The following FHIT variants were observed in gnomAD, a reference collection of about 807,000 sequenced individuals.
FHIT encodes the protein fragile histidine triad diadenosine triphosphatase.
A neutral mutation model predicts 17.9 loss-of-function variants in FHIT; 19 were observed. That is an observed-to-expected ratio of 1.06 (90% CI 0.74 to 1.56). The LOEUF (loss-of-function observed/expected upper bound fraction) is 1.56, where lower values mean the gene tolerates loss of function less well. Ranked by LOEUF, FHIT falls within the 40% of genes most tolerant of loss-of-function variation. The pLI, the probability that FHIT is intolerant of heterozygous loss-of-function variation, is 0.00. For synonymous variants in FHIT, 81 were observed against 69.7 expected (o/e 1.16, Z -0.81); for missense variants, 248 against 189.2 (o/e 1.31, Z -1.82).
rs567892697 is a variant in FHIT at position 60,836,631 on chromosome 3, C to T, written c.-110-14620G>A. 2.6e-4 allele frequency among the ~76,000 whole-genome samples: 39 copies of T among 152,120 alleles called. No individual in the cohort carries two copies. The South Asian group carries it at 7.9e-3, about 31-fold the overall frequency. On this transcript the variant is annotated intron_variant, in intron 3 of 9. Transcript: ENST00000492590. ...AATAGTGATATCTCCTCTTTCATTCCTGATATTGTAACCAAATGCAGGTCC... is the reference window on the plus strand; with the variant it reads ...AATAGTGATATCTCCTCTTTCATTCTTGATATTGTAACCAAATGCAGGTCC...
chr3:60,948,654 T>TATTGGGATTTATTATTGG (rs1379934590), intron 3 of FHIT, among the ~76,000 whole-genome samples: 2 of 152,188 alleles, frequency 1.3e-5, no homozygotes, highest in African/African-American at 4.8e-5. Flanking sequence ...CAGCAGAAAC[T>TATTGGGATTTATTATTGG]GAATTATTAA....
chr3:60,525,744 C>A (rs1397222998), intron 5 of FHIT, among the ~76,000 whole-genome samples: 2 of 152,112 alleles, frequency 1.3e-5, no homozygotes, highest in Non-Finnish European at 2.9e-5. Flanking sequence ...ACAAGTGTTC[C>A]CCCATAGTGA....
At chr3:60,919,090 G>C (rs62251572) in intron 3 of FHIT, among the ~76,000 whole-genome samples, 1 of 151,956 alleles carries the variant, frequency 6.6e-6, no homozygotes, top group Non-Finnish European at 1.5e-5. Context: ...GTAAGCAAAG[G>C]GGGCTCAGTG....
chr3:60,604,733 G>A (rs2038553993), intron 4 of FHIT, among the ~76,000 whole-genome samples: 1 of 152,142 alleles, frequency 6.6e-6, no homozygotes, highest in Non-Finnish European at 1.5e-5. Context: ...GCCACAGGAA[G>A]AAAAAGATCT....
chr3:60,843,362 T>C (rs1217671927), intron 3 of FHIT, among the ~76,000 whole-genome samples: 5 of 152,184 alleles, frequency 3.3e-5, no homozygotes, highest in African/African-American at 4.8e-5. Flanking sequence ...CAAATCTATC[T>C]TTTAGAAAAA....
At chr3:60,863,318 G>T (rs1167336012) in intron 3 of FHIT, among the ~76,000 whole-genome samples, 13 of 152,164 alleles carry the variant, frequency 8.5e-5, no homozygotes, top group Non-Finnish European at 1.9e-4. Context: ...TTTTTCTGCA[G>T]TCTCCAGTAA....
At chr3:60,363,039 G>T (rs1699965821) in intron 5 of FHIT, among the ~76,000 whole-genome samples, 1 of 152,154 alleles carries the variant, frequency 6.6e-6, no homozygotes, top group Non-Finnish European at 1.5e-5. Flanking sequence ...AAATGTGGAT[G>T]TTCATTATAG....
intron 4 of FHIT, among the ~76,000 whole-genome samples, chr3:60,648,872 G>T (rs950734164): frequency 6.6e-6 from 1 of 152,158 alleles, no homozygotes; most frequent in African/African-American, 2.4e-5. Context: ...AACATCTGAG[G>T]TTCACTCAGT....
chr3:60,259,856 T>C (rs951655585), intron 5 of FHIT, among the ~76,000 whole-genome samples: 2 of 151,954 alleles, frequency 1.3e-5, no homozygotes, highest in Non-Finnish European at 2.9e-5. Flanking sequence ...TGGGTCAGAT[T>C]TCCTATGCCA....
intron 5 of FHIT, among the ~76,000 whole-genome samples, chr3:60,262,699 G>A (rs1239849354): frequency 2.6e-5 from 4 of 151,856 alleles, no homozygotes; most frequent in African/African-American, 9.7e-5. Context: ...GCTAGACGCT[G>A]AAATAAACAT....
At chr3:61,194,062 G>T (rs1399168936) in intron 2 of FHIT, among the ~76,000 whole-genome samples, 1 of 151,126 alleles carries the variant, frequency 6.6e-6, no homozygotes, top group East Asian at 2.0e-4. Flanking sequence ...GGGTGGTGGT[G>T]GGGATCAGCA....
chr3:60,040,393 C>G (rs1701388895), intron 5 of FHIT, among the ~76,000 whole-genome samples: 2 of 152,102 alleles, frequency 1.3e-5, no homozygotes, highest in Admixed American at 1.3e-4. Flanking sequence ...ATCCACCCAC[C>G]TCGGCCTCCC....
chr3:60,882,594 T>C (rs1553758230), intron 3 of FHIT, among the ~76,000 whole-genome samples: 1 of 152,098 alleles, frequency 6.6e-6, no homozygotes, highest in Non-Finnish European at 1.5e-5. Flanking sequence ...ATACTTCACA[T>C]TAACAAAATG....
intron 5 of FHIT, among the ~76,000 whole-genome samples, chr3:60,211,068 T>TAAA (rs10663373): frequency 0.012 from 972 of 84,406 alleles, 5 homozygotes; most frequent in African/African-American, 0.028. Context: ...TATAAAACCG[T>TAAA]AAAAAAAAAA....
chr3:60,714,166 G>A (rs2041617061), intron 4 of FHIT, among the ~76,000 whole-genome samples: 1 of 152,166 alleles, frequency 6.6e-6, no homozygotes, highest in Non-Finnish European at 1.5e-5. Flanking sequence ...CATATAAACA[G>A]AACCAAAGAC....
At chr3:60,009,303 T>C (rs1700052361) in intron 7 of FHIT, among the ~76,000 whole-genome samples, 1 of 150,974 alleles carries the variant, frequency 6.6e-6, no homozygotes, top group Non-Finnish European at 1.5e-5. Flanking sequence ...ATCAGGAAAC[T>C]TCTGTGATCA....
At chr3:60,701,457 T>G (rs2041245072) in intron 4 of FHIT, among the ~76,000 whole-genome samples, 2 of 152,010 alleles carry the variant, frequency 1.3e-5, no homozygotes, top group South Asian at 4.1e-4. Flanking sequence ...CTTTTAAGAA[T>G]AATGTGGTGG....
intron 1 of FHIT, among the ~76,000 whole-genome samples, chr3:61,204,549 A>G (rs1449290375): frequency 6.6e-6 from 1 of 152,226 alleles, no homozygotes; most frequent in Non-Finnish European, 1.5e-5. Flanking sequence ...AAACACGCTG[A>G]ATAGAATATA....
At position 61,178,236 on chromosome 3, in the gene FHIT, A is replaced by G. The variant is rs116717531; in HGVS notation, c.-164+22381T>C. ...TTTCATTCTGTTGAATGAAACCATT[A>G]CTGGACTCCCAACAACCTTGATGAG... On this transcript the variant is annotated intron_variant, in intron 2 of 9. Coordinates refer to ENST00000492590, the MANE Select transcript of FHIT (RefSeq NM_002012.4). 7.0e-3 allele frequency among the ~76,000 whole-genome samples: 1,062 copies of G among 152,110 alleles called. 8 individuals carry two copies. Among genetic ancestry groups the G allele is most frequent in the South Asian group, 0.017 (83 of 4,812 alleles).
Sources: gnomAD v4.1 joint callset for allele counts (sites outside exome capture counted in the v4.1 genomes callset) on GRCh38, gnomAD v4.1.1 for gene constraint, MANE v1.5 for transcripts, NCBI Gene and HGNC (gene_info 2026-07-23, HGNC 2026-07-21) for gene names.